Variants in ZNF251 observed in about 807,000 individuals in gnomAD.
The protein encoded by ZNF251 is zinc finger protein 251.
In ZNF251, 14 loss-of-function variants were observed where a neutral mutation model predicts 13.5. The observed-to-expected ratio is 1.04, with a 90% confidence interval of 0.69 to 1.63. The LOEUF is 1.63. ZNF251 is among the 40% of genes most tolerant of loss of function. The probability of loss-of-function intolerance (pLI) is 0.00; values close to 1 mark genes in which losing one functional copy is unlikely to be tolerated. For synonymous variants in ZNF251, 287 were observed against 295.2 expected (o/e 0.97, Z 0.28); for missense variants, 764 against 834.9 (o/e 0.92, Z 1.05).
intron 4 of ZNF251, among the ~76,000 whole-genome samples, chr8:144,746,108 A>T (rs2130055949): frequency 6.6e-6 from 1 of 152,358 alleles, no homozygotes; most frequent in South Asian, 2.1e-4. Context: ...TTGCCAGTAT[A>T]AAGGAAAATG....
intron 4 of ZNF251, among the ~76,000 whole-genome samples, chr8:144,742,736 A>G (rs1025762101): frequency 6.6e-6 from 1 of 152,196 alleles, no homozygotes; most frequent in African/African-American, 2.4e-5. Flanking sequence ...TGCCTCATCC[A>G]GAATGTCACA....
rs575895532 is a variant in ZNF251 at position 144,736,070 on chromosome 8, C to T, written c.278-12688G>A. The stretch of plus-strand genomic sequence containing the variant: ...GACCCTCATGGGCCCCCACGCTGGG[C>T]GGCTGTGCCCAACGCCCTCATCATG... On this transcript the variant is annotated intron_variant, in intron 4 of 4. Transcript: ENST00000292562. 1.6e-3 allele frequency among the ~76,000 whole-genome samples: 248 copies of T among 152,306 alleles called. 1 individual carries two copies. The highest frequency in any genetic ancestry group is 6.3e-4 in the Non-Finnish European group (43 of 68,032).
intron 4 of ZNF251, among the ~76,000 whole-genome samples, chr8:144,752,572 C>T (rs992385835): frequency 6.6e-6 from 1 of 152,186 alleles, no homozygotes; most frequent in Non-Finnish European, 1.5e-5. Flanking sequence ...ATTTTACAAT[C>T]TTAGCTCTTA....
intron 4 of ZNF251, among the ~76,000 whole-genome samples, chr8:144,732,618 C>T (rs549811500): frequency 1.1e-4 from 16 of 151,158 alleles, no homozygotes; most frequent in South Asian, 6.3e-4. Context: ...GGAGACCATC[C>T]TGGCCAACAC....
At chr8:144,735,381 C>CAAAA (rs145271344) in intron 4 of ZNF251, among the ~76,000 whole-genome samples, 15 of 94,610 alleles carry the variant, frequency 1.6e-4, no homozygotes, top group African/African-American at 5.3e-4. Context: ...GACTCCGTCT[C>CAAAA]AAAAAAAAAA....
chr8:144,730,403 C>T (rs1163654994), intron 4 of ZNF251, among the ~76,000 whole-genome samples: 1 of 48,252 alleles, frequency 2.1e-5, no homozygotes, highest in African/African-American at 9.3e-5. Context: ...CGGGGCGTCC[C>T]GGGGGTGACA....
chr8:144,752,779 T>C (rs1034297622), intron 4 of ZNF251, among the ~76,000 whole-genome samples: 2 of 152,108 alleles, frequency 1.3e-5, no homozygotes, highest in African/African-American at 4.8e-5. Context: ...GTAACAAAGC[T>C]GCGGATATGA....
In ZNF251 at chr8:144,754,684, G is replaced by A. The variant is rs1330707019; in HGVS notation, c.33+12C>T. ...AAGATGAAGAGGTGGGCAGGAAGGA[G>A]GGTTAACTCACCTGGTGCCCTGGAA... On this transcript the variant is annotated intron_variant, in intron 2 of 4. Transcript: ENST00000292562. 6 of 1,606,710 alleles carry A rather than the reference G, an allele frequency of 3.7e-6. No individual in the cohort carries two copies. Among genetic ancestry groups the A allele is most frequent in the African/African-American group, 1.3e-5 (1 of 74,912 alleles).
intron 4 of ZNF251, among the ~76,000 whole-genome samples, chr8:144,748,493 T>C (rs1031542195): frequency 2.0e-5 from 3 of 151,580 alleles, no homozygotes; most frequent in African/African-American, 4.9e-5. Context: ...ATCCCTTTTG[T>C]GTTTTTATGT....
At chr8:144,754,670 G>A (rs1824871483) in intron 2 of ZNF251, 26 bp downstream of exon 2, 9 of 1,596,704 alleles carry the variant, frequency 5.6e-6, no homozygotes, top group African/African-American at 2.7e-5. Context: ...AGATGAAGAG[G>A]TGGGCAGGAA....
chr8:144,753,901 G>T, intron 3 of ZNF251, 105 bp from the exon 4 acceptor site: 1 of 891,824 alleles, frequency 1.1e-6, no homozygotes, highest in Non-Finnish European at 1.7e-6. Flanking sequence ...CTGCACGTGT[G>T]TTGGTCAGGG....
chr8:144,743,826 GC>G lies in ZNF251; in HGVS notation c.277+9856del, dbSNP rs766566854. Among the ~76,000 whole-genome samples the G allele has an allele frequency of 3.9e-5, 6 of 152,138 alleles. No individual in the cohort carries two copies. The South Asian group carries it at 1.2e-3, about 31-fold the overall frequency. On this transcript the variant is annotated intron_variant, in intron 4 of 4. Transcript: ENST00000292562. ...GATATGACATTGATCTTCTCACAAT[GC>G]CCACCTGTCATCTGGGTATCTCCTT... is the stretch of plus-strand genomic sequence containing the variant.
In ZNF251 at chr8:144,723,120, G is replaced by A. The variant is rs774247729; in HGVS notation, c.540C>T (p.Thr180=). ...TTCTATCAAATGCACTACACTCTTGGGTTCTTTCTCCCAAAGATCTTTCCC... is the reference window on the plus strand; with the variant it reads ...TTCTATCAAATGCACTACACTCTTGAGTTCTTTCTCCCAAAGATCTTTCCC... ...VGRERSLGER[T]QECSAFDRNL... Residue 180 remains threonine, a synonymous_variant, in exon 5 of 5, where the codon ACC becomes ACT. Transcript: ENST00000292562. The A allele has an allele frequency of 1.2e-6, 2 of 1,613,642 alleles. No homozygotes were observed. Among genetic ancestry groups the A allele is most frequent in the East Asian group, 4.5e-5 (2 of 44,898 alleles).
intron 4 of ZNF251, among the ~76,000 whole-genome samples, chr8:144,737,513 A>G (rs1369545250): frequency 2.0e-5 from 3 of 148,618 alleles, no homozygotes; most frequent in Non-Finnish European, 4.4e-5. Context: ...CGTCGCAAAA[A>G]CAAACAAACA....
In ZNF251 at chr8:144,722,907, A is replaced by G; in HGVS notation, c.753T>C (p.Asn251=). 6.2e-7 allele frequency: 1 copy of G among 1,613,826 alleles called. No individual in the cohort carries two copies. Among genetic ancestry groups the G allele is most frequent in the Non-Finnish European group, 8.5e-7 (1 of 1,179,858 alleles). The change falls in exon 5 of 5, where the codon AAT becomes AAC. Residue 251 remains asparagine (N), a synonymous_variant. Transcript: ENST00000292562. The surrounding 1 kb of genome is among the most constrained non-coding windows in gnomAD (Gnocchi z 4.8). ...TGTGAATGTGATGGTGCAGAACAAGATTTGAGCTGTGAGTAAAGGCTCGCC... is the reference window on the plus strand; with the variant it reads ...TGTGAATGTGATGGTGCAGAACAAGGTTTGAGCTGTGAGTAAAGGCTCGCC... The part of the protein sequence containing the change: ...RCGRAFTHSS[N]LVLHHHIHTG...
At chr8:144,724,166 C>T in intron 4 of ZNF251, among the ~76,000 whole-genome samples, 1 of 150,718 alleles carries the variant, frequency 6.6e-6, no homozygotes, top group African/African-American at 2.5e-5. Flanking sequence ...ATGGCGTGAA[C>T]CCAGGAGGCG....
chr8:144,744,663 A>G (rs1824333991), intron 4 of ZNF251, among the ~76,000 whole-genome samples: 1 of 152,202 alleles, frequency 6.6e-6, no homozygotes, highest in Non-Finnish European at 1.5e-5. Flanking sequence ...CCATGTGAGG[A>G]CACAGTGAGA....
chr8:144,739,427 G>A (rs1478407791), intron 4 of ZNF251, among the ~76,000 whole-genome samples: 3 of 152,062 alleles, frequency 2.0e-5, no homozygotes, highest in Admixed American at 2.0e-4. Flanking sequence ...CCTAAACTAG[G>A]ATCAAAAGGG....
chr8:144,729,978 G>T (rs569135224), intron 4 of ZNF251: 2 of 923,438 alleles, frequency 2.2e-6, no homozygotes, highest in East Asian at 1.2e-4. Flanking sequence ...TGCAGGCAGG[G>T]CTGAGCCCAC....
Sources: gnomAD v4.1 joint callset for allele counts (sites outside exome capture counted in the v4.1 genomes callset) on GRCh38, gnomAD v4.1.1 for gene constraint, Gnocchi (gnomAD v3.1) non-coding constraint, MANE v1.5 for transcripts, NCBI Gene and HGNC (gene_info 2026-07-23, HGNC 2026-07-21) for gene names.